The following ZNF536 variants were observed in gnomAD, a reference collection of about 807,000 sequenced individuals.
The protein encoded by ZNF536 is zinc finger protein 536.
In ZNF536, 13 loss-of-function variants were observed where a neutral mutation model predicts 84.5. That is an observed-to-expected ratio of 0.15 (90% CI 0.10 to 0.24). The LOEUF (loss-of-function observed/expected upper bound fraction) is 0.24, where lower values mean the gene tolerates loss of function less well. ZNF536 is among the 10% of genes least tolerant of loss of function. The pLI is 1.00. For missense variants in ZNF536, 1,536 were observed against 1,747.5 expected (o/e 0.88, Z 2.16); for synonymous variants, 811 against 742.5 (o/e 1.09, Z -1.50).
At chr19:30,409,181 C>G (rs533772268) in intron 1 of ZNF536, among the ~76,000 whole-genome samples, 4 of 152,318 alleles carry the variant, frequency 2.6e-5, no homozygotes, top group Middle Eastern at 6.8e-3. Context: ...AAACATTCAT[C>G]TCTGGTATGT....
chr19:30,249,458 T>C (rs911146400), intron 1 of ZNF536, among the ~76,000 whole-genome samples: 5 of 152,174 alleles, frequency 3.3e-5, no homozygotes, highest in Non-Finnish European at 5.9e-5. Flanking sequence ...GTTTTTTTAC[T>C]GAATCTTCAG....
Position 30,452,279 on chromosome 19 carries a change from C to T in ZNF536, c.2170+6547C>T, listed in dbSNP as rs183069581. ...GAGGGCAGATTGGGGTCCTTCTGGCCGCCCAGATCCCTTCACTGCCAGGTT... is the reference window on the plus strand; with the variant it reads ...GAGGGCAGATTGGGGTCCTTCTGGCTGCCCAGATCCCTTCACTGCCAGGTT... On this transcript the variant is annotated intron_variant, in intron 2 of 4. Transcript: ENST00000355537. Among the ~76,000 whole-genome samples the T allele has an allele frequency of 1.1e-3, 160 of 152,340 alleles. 1 individual carries two copies. Among genetic ancestry groups the T allele is most frequent in the Admixed American group, 2.0e-3 (30 of 15,308 alleles).
intron 2 of ZNF536, among the ~76,000 whole-genome samples, chr19:30,350,141 A>G (rs188874452): frequency 2.0e-5 from 3 of 152,108 alleles, no homozygotes; most frequent in Non-Finnish European, 4.4e-5. Context: ...TTTGACCTAG[A>G]CTTGTTATAA....
chr19:30,515,904 G>A (rs1384711726), intron 2 of ZNF536, among the ~76,000 whole-genome samples: 1 of 151,558 alleles, frequency 6.6e-6, no homozygotes, highest in Non-Finnish European at 1.5e-5. Context: ...GGAGGTGCCT[G>A]TATTCCCAGC....
intron 1 of ZNF536, among the ~76,000 whole-genome samples, chr19:30,706,087 G>T: frequency 6.6e-6 from 1 of 152,164 alleles, no homozygotes; most frequent in East Asian, 1.9e-4. Flanking sequence ...CAAGAGGCAC[G>T]TTGCATCACT....
rs1277615736 is a variant in ZNF536 at position 30,445,792 on chromosome 19, T to C, written c.2170+60T>C. On this transcript the variant is annotated intron_variant, in intron 2 of 4. Coordinates refer to ENST00000355537, the MANE Select transcript of ZNF536 (RefSeq NM_014717.3). This position sits in a 1 kb window ranked among gnomAD's most constrained non-coding sequence, Gnocchi z 4.5. ...TACAGCAGCCCTGCTCAGGGCTGCC[T>C]GGTTCTGCTCCCAGGCCTCCAGTCA... 6.6e-7 allele frequency: 1 copy of C among 1,506,666 alleles called. No homozygotes were observed. Among genetic ancestry groups the C allele is most frequent in the Non-Finnish European group, 8.9e-7 (1 of 1,128,830 alleles). 93.3% of individuals were successfully genotyped at this position (1,506,666 alleles called of 1,614,324 possible). A position where few individuals can be genotyped will look rare whatever the true frequency, so the allele number is the denominator to read the frequency against.
At chr19:30,678,201 C>A (rs1011275097) in intron 1 of ZNF536, among the ~76,000 whole-genome samples, 1 of 152,196 alleles carries the variant, frequency 6.6e-6, no homozygotes, top group Admixed American at 6.5e-5. Flanking sequence ...CTCCATGGTA[C>A]CACAGCTTTC....
At chr19:30,586,335 C>A (rs75020348) in intron 1 of ZNF536, among the ~76,000 whole-genome samples, 5 of 152,186 alleles carry the variant, frequency 3.3e-5, no homozygotes, top group South Asian at 2.1e-4. Context: ...TCCCAGCATG[C>A]GCTGGTTAGT....
chr19:30,364,924 T>A (rs752680561), intron 3 of ZNF536, among the ~76,000 whole-genome samples: 10 of 152,262 alleles, frequency 6.6e-5, no homozygotes, highest in South Asian at 2.1e-4. Context: ...TCAGTTCTCC[T>A]GCTTATACTT....
At chr19:30,397,647 G>T (rs2049877068) in intron 1 of ZNF536, among the ~76,000 whole-genome samples, 1 of 152,118 alleles carries the variant, frequency 6.6e-6, no homozygotes, top group Non-Finnish European at 1.5e-5. Flanking sequence ...GGTGTTCTGT[G>T]GATTCTTTAC....
intron 2 of ZNF536, among the ~76,000 whole-genome samples, chr19:30,315,411 C>A (rs2046645809): frequency 6.6e-6 from 1 of 152,082 alleles, no homozygotes; most frequent in Non-Finnish European, 1.5e-5. Flanking sequence ...GTTTTATATG[C>A]AGAGGTAAGA....
intron 2 of ZNF536, among the ~76,000 whole-genome samples, chr19:30,475,171 C>T (rs1430071058): frequency 1.3e-5 from 2 of 152,164 alleles, no homozygotes; most frequent in African/African-American, 4.8e-5. Flanking sequence ...ACCTTCGTCT[C>T]CCAGGTTCAA....
intron 1 of ZNF536, among the ~76,000 whole-genome samples, chr19:30,435,476 T>C (rs2051700434): frequency 6.6e-6 from 1 of 151,904 alleles, no homozygotes; most frequent in Non-Finnish European, 1.5e-5. Flanking sequence ...ATACTGCTGC[T>C]GCTGCTGATG....
At chr19:30,584,053 A>G (rs2146706267) in intron 1 of ZNF536, among the ~76,000 whole-genome samples, 1 of 152,204 alleles carries the variant, frequency 6.6e-6, no homozygotes, top group African/African-American at 2.4e-5. Flanking sequence ...CTGGCCAACC[A>G]CAATCCCTGT....
At chr19:30,576,252 T>A (rs969087707) in intron 1 of ZNF536, among the ~76,000 whole-genome samples, 3 of 152,118 alleles carry the variant, frequency 2.0e-5, no homozygotes, top group South Asian at 2.1e-4. Context: ...GGAAGGAGGC[T>A]GTTGTGGTGA....
intron 1 of ZNF536, among the ~76,000 whole-genome samples, chr19:30,241,637 C>T (rs550546075): frequency 6.6e-6 from 1 of 152,334 alleles, no homozygotes; most frequent in Non-Finnish European, 1.5e-5. Context: ...GTTAAACTAG[C>T]AGAGCCCATG....
At chr19:30,440,662 G>T (rs140699001) in intron 1 of ZNF536, among the ~76,000 whole-genome samples, 1 of 152,290 alleles carries the variant, frequency 6.6e-6, no homozygotes, top group Non-Finnish European at 1.5e-5. Flanking sequence ...AACATGTTGG[G>T]ACAGAGAGGG....
chr19:30,424,321 T>G (rs1318445561), intron 1 of ZNF536, among the ~76,000 whole-genome samples: 1 of 152,114 alleles, frequency 6.6e-6, no homozygotes, highest in African/African-American at 2.4e-5. Context: ...ATGCTCACTG[T>G]GCAATAAAGA....
In ZNF536 at chr19:30,535,151, G is replaced by A. The variant is rs1436720402; in HGVS notation, c.2323+152G>A. On this transcript the variant is annotated intron_variant, in intron 3 of 4. Transcript: ENST00000355537. ...CTAGCCACCATTGTATGGCTCAGAA[G>A]CGGCCCTCATTTCCTGATTCGTCAC... The A allele has an allele frequency of 4.8e-6, 4 of 836,264 alleles. No homozygotes were observed. In the African/African-American group the frequency reaches 6.9e-5, roughly 14 times the overall value. 51.8% of individuals were successfully genotyped at this position (836,264 alleles called of 1,614,324 possible).
Sources: gnomAD v4.1 joint callset for allele counts (sites outside exome capture counted in the v4.1 genomes callset) on GRCh38, gnomAD v4.1.1 for gene constraint, Gnocchi (gnomAD v3.1) non-coding constraint, MANE v1.5 for transcripts, NCBI Gene and HGNC (gene_info 2026-07-23, HGNC 2026-07-21) for gene names.